The following HSD17B14 variants were observed in gnomAD, a reference collection of about 807,000 sequenced individuals.
The protein encoded by HSD17B14 is hydroxysteroid 17-beta dehydrogenase 14.
A neutral mutation model predicts 32.2 loss-of-function variants in HSD17B14; 32 were observed. The ratio of observed to expected loss-of-function variants is 0.99; its 90% CI spans 0.75 to 1.33. HSD17B14 has a LOEUF of 1.33. Ranked by LOEUF, HSD17B14 falls within the 40% of genes most tolerant of loss-of-function variation. The pLI, the probability that HSD17B14 is intolerant of heterozygous loss-of-function variation, is 0.00. For missense variants in HSD17B14, 370 were observed against 366.5 expected, an observed-to-expected ratio of 1.01 and a Z score of -0.08; for synonymous variants, 140 against 155.4, an observed-to-expected ratio of 0.90 and a Z score of 0.74.
intron 3 of HSD17B14, 21 bp from the exon 4 acceptor site, chr19:48,832,753 CTTTG>C (rs2035365564): frequency 3.8e-6 from 6 of 1,585,872 alleles, no homozygotes; most frequent in Non-Finnish European, 5.2e-6. Flanking sequence ...AGGAAATGTC[CTTTG>C]TTTTTTTTTT....
intron 2 of HSD17B14, among the ~76,000 whole-genome samples, chr19:48,835,339 A>G (rs12459931): frequency 0.037 from 832 of 22,442 alleles, no homozygotes; most frequent in Admixed American, 0.063. Flanking sequence ...AGGGGCTGGG[A>G]GCCTGGACTC....
intron 6 of HSD17B14, 150 bp downstream of exon 6, chr19:48,814,887 C>A: frequency 3.5e-6 from 2 of 566,354 alleles, no homozygotes; most frequent in Non-Finnish European, 6.5e-6. Flanking sequence ...CTGTCACAGG[C>A]AGTTATGCCT....
At chr19:48,815,615 A>G (rs1374119411) in intron 5 of HSD17B14, among the ~76,000 whole-genome samples, 1 of 152,012 alleles carries the variant, frequency 6.6e-6, no homozygotes, top group Non-Finnish European at 1.5e-5. Flanking sequence ...GGCTCAAGCA[A>G]TCCTCCCCGC....
At chr19:48,827,231 C>T (rs1484814579) in intron 5 of HSD17B14, among the ~76,000 whole-genome samples, 17 of 151,786 alleles carry the variant, frequency 1.1e-4, no homozygotes, top group African/African-American at 3.6e-4. Context: ...TTAGTAGAGA[C>T]GGAGTTTCAC....
At position 48,834,309 on chromosome 19, in the gene HSD17B14, G is replaced by T; in HGVS notation, c.177C>A (p.Ile59=). The T allele has an allele frequency of 6.2e-7, 1 of 1,614,094 alleles. No individual in the cohort carries two copies. Among genetic ancestry groups the T allele is most frequent in the Non-Finnish European group, 8.5e-7 (1 of 1,179,952 alleles). The change falls in exon 3 of 9, where the codon ATC becomes ATA. Residue 59 remains isoleucine (I), a synonymous_variant. Coordinates refer to ENST00000263278, the MANE Select transcript of HSD17B14 (RefSeq NM_016246.3). ...CATCTTCCTGAGTCACATCACAGAG[G>T]ATAAAGACAGCTCCAGGGAGCTCCT... ...LEQELPGAVF[I]LCDVTQEDDV...
intron 5 of HSD17B14, among the ~76,000 whole-genome samples, chr19:48,816,823 C>CTTTCTTTCTTTCT (rs776466547): frequency 3.2e-3 from 165 of 50,772 alleles, no homozygotes; most frequent in African/African-American, 0.013. Flanking sequence ...TTCTTTCTTT[C>CTTTCTTTCTTTCT]TTTTCTTTCT....
chr19:48,823,988 G>A (rs369731920), intron 5 of HSD17B14, among the ~76,000 whole-genome samples: 9 of 146,298 alleles, frequency 6.2e-5, no homozygotes, highest in Non-Finnish European at 1.3e-4. Context: ...GGCATGGTGG[G>A]TCACACCTGT....
rs1236067316 is a variant in HSD17B14 at position 48,815,187 on chromosome 19, C to T, written c.370-46G>A. The stretch of plus-strand genomic sequence containing the variant: ...GTAAGCTACACAAGCCCTGCATCTT[C>T]GCAGACCACTGAAACACAGCCACAG... On this transcript the variant is annotated intron_variant, in intron 5 of 8. Coordinates refer to ENST00000263278, the MANE Select transcript of HSD17B14 (RefSeq NM_016246.3). 4.9e-6 allele frequency: 7 copies of T among 1,427,226 alleles called. No individual in the cohort carries two copies. In the East Asian group the frequency reaches 1.1e-4, roughly 23 times the overall value. 88.4% of individuals were successfully genotyped at this position (1,427,226 alleles called of 1,614,324 possible).
chr19:48,821,820 TGATGGTGAA>T (rs891479873), intron 5 of HSD17B14, among the ~76,000 whole-genome samples: 5 of 151,784 alleles, frequency 3.3e-5, no homozygotes, highest in Admixed American at 6.6e-5. Context: ...ATGGTGACGG[TGATGGTGAA>T]GATGGTGATG....
At position 48,834,485 on chromosome 19, in the gene HSD17B14, G is replaced by T. The variant is rs142630106; in HGVS notation, c.128-127C>A. 290 of 487,494 alleles carry T rather than the reference G, an allele frequency of 5.9e-4. 1 individual carries two copies. Among genetic ancestry groups the T allele is most frequent in the Admixed American group, 3.6e-3 (70 of 19,234 alleles). 30.2% of individuals were successfully genotyped at this position (487,494 alleles called of 1,614,324 possible). A position where few individuals can be genotyped will look rare whatever the true frequency, so the allele number is the denominator to read the frequency against. On this transcript the variant is annotated intron_variant, in intron 2 of 8. Transcript: ENST00000263278. ...GGACTCCTGGGTCTGAGGGAGGAGG[G>T]GCTGAGGTCTGGACTCCTGGGTCTG... is the stretch of plus-strand genomic sequence containing the variant.
chr19:48,836,392 T>G lies in HSD17B14; in HGVS notation c.20A>C (p.Tyr7Ser). 6.2e-7 allele frequency: 1 copy of G among 1,613,776 alleles called. No individual in the cohort carries two copies. Among genetic ancestry groups the G allele is most frequent in the South Asian group, 1.1e-5 (1 of 91,074 alleles). Residue 7 changes from tyrosine (Y) to serine (S), a missense_variant, in exon 1 of 9, where the codon TAT (tyrosine) becomes TCT (serine). Coordinates refer to ENST00000263278, the MANE Select transcript of HSD17B14 (RefSeq NM_016246.3). Reference sequence around the variant, plus strand: ...GGTCACGACCACCACCTTCCCGGCATAGCGCGTTCCCGTAGCCATCCCGTG... The same window carrying G: ...GGTCACGACCACCACCTTCCCGGCAGAGCGCGTTCCCGTAGCCATCCCGTG... Reference protein sequence around the residue: MATGTRYAGKVVVVTGG... With the variant: MATGTRSAGKVVVVTGG...
rs1172603132 is a variant in HSD17B14 at position 48,833,553 on chromosome 19, A to C, written c.210+723T>G. Among the ~76,000 whole-genome samples the C allele has an allele frequency of 1.3e-5, 2 of 149,874 alleles. 1 individual carries two copies. On this transcript the variant is annotated intron_variant, in intron 3 of 8. Transcript: ENST00000263278. ...CTAAAACTACAAAAATTAGCCAGACACGGTGGCTCATGCTTGTAATCCCAG... is the reference window on the plus strand; with the variant it reads ...CTAAAACTACAAAAATTAGCCAGACCCGGTGGCTCATGCTTGTAATCCCAG...
chr19:48,834,131 G>A, intron 3 of HSD17B14, 145 bp downstream of exon 3: 1 of 656,616 alleles, frequency 1.5e-6, no homozygotes, highest in Non-Finnish European at 2.7e-6. Context: ...TGTGTGTGGA[G>A]TGACACTGGG....
rs1028993225 is a variant in HSD17B14 at position 48,828,462 on chromosome 19, T to C, written c.369+3206A>G. Among the ~76,000 whole-genome samples the C allele has an allele frequency of 1.5e-4, 23 of 151,414 alleles. 2 individuals are homozygous for C. Among genetic ancestry groups the C allele is most frequent in the Admixed American group, 9.2e-4 (14 of 15,152 alleles). ...GAAAGACCCTGTCTCTACAAAAAAG[T>C]TAAAAATTAGTCAGTCATAGTGGTG... On this transcript the variant is annotated intron_variant, in intron 5 of 8. Transcript: ENST00000263278.
chr19:48,818,198 C>G (rs2035087478), intron 5 of HSD17B14, among the ~76,000 whole-genome samples: 1 of 151,454 alleles, frequency 6.6e-6, no homozygotes, highest in Non-Finnish European at 1.5e-5. Flanking sequence ...GTAATCCCAG[C>G]TACTCGGGAG....
chr19:48,822,149 T>C (rs551534731), intron 5 of HSD17B14, among the ~76,000 whole-genome samples: 3 of 151,692 alleles, frequency 2.0e-5, no homozygotes, highest in East Asian at 3.9e-4. Flanking sequence ...ATGGTGATGA[T>C]TGTGGTAATG....
Position 48,813,414 on chromosome 19 carries a change from C to A in HSD17B14, c.639+42G>T, listed in dbSNP as rs368386368. ...CACTTGATCGCCATGCCCCCCACCC[C>A]CATGCCACCTTCTACCACCTGGATC... is the stretch of plus-strand genomic sequence containing the variant. On this transcript the variant is annotated intron_variant, in intron 8 of 8. Transcript: ENST00000263278. The A allele has an allele frequency of 1.4e-4, 225 of 1,567,630 alleles. No homozygotes were observed. In the African/African-American group the frequency reaches 2.8e-3, roughly 20 times the overall value.
At position 48,836,335 on chromosome 19, in the gene HSD17B14, A is replaced by G. The variant is rs1325642489; in HGVS notation, c.77T>C (p.Val26Ala). The G allele has an allele frequency of 1.9e-6, 3 of 1,609,746 alleles. No individual in the cohort carries two copies. The highest frequency in any genetic ancestry group is 2.5e-6 in the Non-Finnish European group (3 of 1,179,054). ...GGGRGIGAGI[V>A]RAFVNSGARV... is the part of the protein sequence containing the mutation. ...CAGACCCGGCTCACCGAAGGCGCGC[A>G]CGATCCCAGCTCCGATGCCGCGCCC... Residue 26 changes from valine (V) to alanine (A), a missense_variant, in exon 1 of 9, where the codon GTG becomes GCG. By Grantham distance (64) the Val-to-Ala change is moderately conservative (BLOSUM62 0). Coordinates refer to ENST00000263278, the MANE Select transcript of HSD17B14 (RefSeq NM_016246.3).
At chr19:48,822,845 G>A (rs1193942136) in intron 5 of HSD17B14, among the ~76,000 whole-genome samples, 1 of 151,866 alleles carries the variant, frequency 6.6e-6, no homozygotes, top group East Asian at 1.9e-4. Flanking sequence ...TGAAGATGGT[G>A]TTGATGGTGA....
Sources: allele counts gnomAD v4.1 joint callset (sites outside exome capture counted in the v4.1 genomes callset), GRCh38; gene constraint gnomAD v4.1.1; transcripts MANE v1.5; gene names NCBI Gene and HGNC (gene_info 2026-07-23, HGNC 2026-07-21).